The following SELENOH variants were observed in gnomAD, a reference collection of about 807,000 sequenced individuals.
The protein encoded by SELENOH is chromosome 11 open reading frame 31.
A neutral mutation model predicts 11.9 loss-of-function variants in SELENOH; 13 were observed. That is an observed-to-expected ratio of 1.09 (90% CI 0.71 to 1.74). The LOEUF is 1.74. Among genes scored for constraint, SELENOH ranks in the 40% most tolerant of loss-of-function variants. The pLI is 0.00. For synonymous variants in SELENOH, 96 were observed against 73.5 expected (o/e 1.31, Z -1.56); for missense variants, 223 against 170.3 (o/e 1.31, Z -1.72).
chr11:57,741,526 C>T lies in SELENOH; in HGVS notation c.-70C>T. 1.6e-6 allele frequency: 2 copies of T among 1,213,452 alleles called. No homozygotes were observed. The highest frequency in any genetic ancestry group is 2.1e-6 in the Non-Finnish European group (2 of 964,924). 75.2% of individuals were successfully genotyped at this position (1,213,452 alleles called of 1,614,324 possible). The stretch of plus-strand genomic sequence containing the variant: ...GGCTGCGCTCTTCGTTGCCCAGTTT[C>T]CGCTCAGTGGTCGCGTCTCCGCCCC... On this transcript the variant is annotated 5_prime_UTR_variant, in exon 1 of 4. Coordinates refer to ENST00000534355, the MANE Select transcript of SELENOH (RefSeq NM_170746.4).
At chr11:57,742,023 G>C (rs937152319) in intron 2 of SELENOH, 69 bp downstream of exon 2, 1 of 1,583,450 alleles carries the variant, frequency 6.3e-7, no homozygotes, top group Non-Finnish European at 8.6e-7. Context: ...AAGACAGGAA[G>C]CGCTATTCTT....
chr11:57,741,785 TC>T, intron 1 of SELENOH, 23 bp from the exon 2 acceptor site: 1 of 1,602,932 alleles, frequency 6.2e-7, no homozygotes, highest in Non-Finnish European at 8.5e-7. Flanking sequence ...GGCCCCGGTT[TC>T]TAACCTCTCC....
Position 57,741,603 on chromosome 11 carries a change from C to T in SELENOH, c.8C>T (p.Pro3Leu). 1 of 1,271,222 alleles carries T rather than the reference C, an allele frequency of 7.9e-7. No homozygotes were observed. The allele number at this position is 1,271,222 out of a possible 1,614,324, so 78.7% of individuals were successfully genotyped here. The change falls in exon 1 of 4, where the codon CCC becomes CTC. Residue 3 changes from proline (P) to leucine (L), a missense_variant. By Grantham distance (98) the Pro-to-Leu change is moderately conservative. Coordinates refer to ENST00000534355, the MANE Select transcript of SELENOH (RefSeq NM_170746.4). The stretch of plus-strand genomic sequence containing the variant: ...GGCCGGGCTCTAGGCGCCATGGCTC[C>T]CCGCGGGAGGAAGCGTAAGGCTGAG... MA[P>L]RGRKRKAEAA... is the part of the protein sequence containing the mutation.
In SELENOH at chr11:57,741,661, G is replaced by A. The variant is rs766471979; in HGVS notation, c.66G>A (p.Glu22=). The part of the protein sequence containing the change: ...AAVVAVAEKR[E]KLANGGEGME... ...TGGTCGCCGTAGCCGAGAAGCGAGA[G>A]AAGCTGGCGAACGGCGGGGAGGGAA... Residue 22 remains glutamate, a synonymous_variant, in exon 1 of 4, where the codon GAG becomes GAA. Coordinates refer to ENST00000534355, the MANE Select transcript of SELENOH (RefSeq NM_170746.4). 34 of 1,462,852 alleles carry A rather than the reference G, an allele frequency of 2.3e-5. 1 individual carries two copies. The East Asian group carries it at 3.2e-4, about 14-fold the overall frequency. The allele number at this position is 1,462,852 out of a possible 1,614,324, so 90.6% of individuals were successfully genotyped here.
chr11:57,742,107 G>A lies in SELENOH; in HGVS notation c.269-10G>A, dbSNP rs544488180. On this transcript the variant is annotated splice_polypyrimidine_tract_variant and intron_variant, in intron 2 of 3. Coordinates refer to ENST00000534355, the MANE Select transcript of SELENOH (RefSeq NM_170746.4). ...AAGTATTGTAACTTCGCTTCATTCT[G>A]GCCTTTCAGGTGCGGAGCTCTGGAC... is the stretch of plus-strand genomic sequence containing the variant. The A allele has an allele frequency of 1.2e-6, 2 of 1,608,070 alleles. No homozygotes were observed. Among genetic ancestry groups the A allele is most frequent in the African/African-American group, 1.3e-5 (1 of 74,928 alleles).
chr11:57,741,773 G>C, intron 1 of SELENOH, 36 bp from the exon 2 acceptor site: 1 of 1,600,636 alleles, frequency 6.2e-7, no homozygotes. Flanking sequence ...GGGGGGGCCA[G>C]GGGCCCCGGT....
intron 3 of SELENOH, 185 bp downstream of exon 3, chr11:57,742,432 A>G (rs887908126): frequency 3.5e-6 from 2 of 571,452 alleles, no homozygotes; most frequent in East Asian, 5.9e-5. Context: ...AACAAAAAAA[A>G]GACACAATAT....
At chr11:57,742,060 A>G (rs971396111) in intron 2 of SELENOH, 57 bp from the exon 3 acceptor site, 23 of 1,588,358 alleles carry the variant, frequency 1.4e-5, no homozygotes, top group South Asian at 8.0e-5. Context: ...TCATGACTTC[A>G]GAGACGTGCT....
In SELENOH at chr11:57,742,266, G is replaced by C. The variant is rs1416724932; in HGVS notation, c.*30+19G>C. 1 of 1,508,526 alleles carries C rather than the reference G, an allele frequency of 6.6e-7. No homozygotes were observed. Among genetic ancestry groups the C allele is most frequent in the African/African-American group, 1.4e-5 (1 of 72,474 alleles). The allele number at this position is 1,508,526 out of a possible 1,614,324, so 93.4% of individuals were successfully genotyped here. ...TGCTGAGGTTTGAAATGGGAAGTGGGGGGCGCGACCGCTGTTGAGGAAGAG... is the reference window on the plus strand; with the variant it reads ...TGCTGAGGTTTGAAATGGGAAGTGGCGGGCGCGACCGCTGTTGAGGAAGAG... On this transcript the variant is annotated intron_variant, in intron 3 of 3. Coordinates refer to ENST00000534355, the MANE Select transcript of SELENOH (RefSeq NM_170746.4).
chr11:57,742,469 G>A (rs549289169), intron 3 of SELENOH: 8 of 482,636 alleles, frequency 1.7e-5, no homozygotes, highest in Non-Finnish European at 3.0e-5. Context: ...TGCCCTAAGT[G>A]GAATTTATGT....
chr11:57,742,434 A>G (rs1328365924), intron 3 of SELENOH, 187 bp downstream of exon 3: 3 of 566,112 alleles, frequency 5.3e-6, no homozygotes, highest in Non-Finnish European at 9.4e-6. Context: ...CAAAAAAAAG[A>G]CACAATATTG....
intron 1 of SELENOH, 40 bp from the exon 2 acceptor site, chr11:57,741,769 G>C (rs778109616): frequency 2.5e-6 from 4 of 1,601,000 alleles, no homozygotes; most frequent in Non-Finnish European, 2.6e-6. Flanking sequence ...GCCGGGGGGG[G>C]CCAGGGGCCC....
chr11:57,741,496 T>G lies in SELENOH; in HGVS notation c.-100T>G. The G allele has an allele frequency of 1.0e-6, 1 of 986,632 alleles. No individual in the cohort carries two copies. The highest frequency in any genetic ancestry group is 1.3e-6 in the Non-Finnish European group (1 of 762,946). The allele number at this position is 986,632 out of a possible 1,614,324, so 61.1% of individuals were successfully genotyped here. A position where few individuals can be genotyped will look rare whatever the true frequency, so the allele number is the denominator to read the frequency against. On this transcript the variant is annotated 5_prime_UTR_variant, in exon 1 of 4. Coordinates refer to ENST00000534355, the MANE Select transcript of SELENOH (RefSeq NM_170746.4). ...GAGGTTTCCGCTGTAGGAGCAGAGC[T>G]TCCGGGCTGCGCTCTTCGTTGCCCA...
In SELENOH at chr11:57,742,202, G is replaced by C. The variant is rs190189307; in HGVS notation, c.354G>C (p.Lys118Asn). 1.2e-6 allele frequency: 2 copies of C among 1,610,138 alleles called. No individual in the cohort carries two copies. The highest frequency in any genetic ancestry group is 1.3e-5 in the African/African-American group (1 of 74,988). The part of the protein sequence containing the change: ...PEPQEVVEEL[K>N]KYLS The stretch of plus-strand genomic sequence containing the variant: ...CTCAAGAGGTGGTGGAAGAGTTGAA[G>C]AAGTACCTGTCGTAGGGAGATTTGG... Residue 118 changes from lysine to asparagine, a missense_variant, in exon 3 of 4, where the codon AAG becomes AAC. Coordinates refer to ENST00000534355, the MANE Select transcript of SELENOH (RefSeq NM_170746.4).
rs1192485861 is a variant in SELENOH, at chr11:57,742,583, G to A, written c.*31-280G>A. ...TTTATGCTTATCCCTACCCTCTTCT[G>A]TTTGGTTCTTGGGTGTTCTGTTACT... On this transcript the variant is annotated intron_variant, in intron 3 of 3. Coordinates refer to ENST00000534355, the MANE Select transcript of SELENOH (RefSeq NM_170746.4). 2.2e-5 allele frequency: 6 copies of A among 273,102 alleles called. No homozygotes were observed. The East Asian group carries it at 5.4e-4, about 24-fold the overall frequency. 16.9% of individuals were successfully genotyped at this position (273,102 alleles called of 1,614,324 possible).
intron 2 of SELENOH, 40 bp downstream of exon 2, chr11:57,741,994 G>C: frequency 6.3e-7 from 1 of 1,579,122 alleles, no homozygotes; most frequent in African/African-American, 1.4e-5. Context: ...GGACGTGGGT[G>C]AAAGGGACGT....
Position 57,741,576 on chromosome 11 carries a change from T to C in SELENOH, c.-20T>C. The C allele has an allele frequency of 8.0e-7, 1 of 1,257,028 alleles. No individual in the cohort carries two copies. Among genetic ancestry groups the C allele is most frequent in the Admixed American group, 4.0e-5 (1 of 25,316 alleles). The allele number at this position is 1,257,028 out of a possible 1,614,324, so 77.9% of individuals were successfully genotyped here. Reference sequence around the variant, plus strand: ...CCCACCCACCAGTCCCGCTGCATTCTCGGCCGGGCTCTAGGCGCCATGGCT... The same window carrying C: ...CCCACCCACCAGTCCCGCTGCATTCCCGGCCGGGCTCTAGGCGCCATGGCT... On this transcript the variant is annotated 5_prime_UTR_variant, in exon 1 of 4. Coordinates refer to ENST00000534355, the MANE Select transcript of SELENOH (RefSeq NM_170746.4).
chr11:57,742,049 C>CT, intron 2 of SELENOH, 68 bp from the exon 3 acceptor site: 2 of 1,585,140 alleles, frequency 1.3e-6, no homozygotes, highest in South Asian at 2.3e-5. Flanking sequence ...CCACGGCAGT[C>CT]TCATGACTTC....
intron 3 of SELENOH, 79 bp downstream of exon 3, chr11:57,742,326 C>T (rs1949105601): frequency 1.8e-6 from 2 of 1,110,006 alleles, no homozygotes; most frequent in African/African-American, 1.6e-5. Flanking sequence ...CAAGTACCCA[C>T]CTGGCGTGGG....
Sources: gnomAD v4.1 joint callset for allele counts on GRCh38, gnomAD v4.1.1 for gene constraint, MANE v1.5 for transcripts, NCBI Gene and HGNC (gene_info 2026-07-23, HGNC 2026-07-21) for gene names.